Variants in DDX31 observed in about 807,000 individuals in gnomAD.
DDX31 encodes ATP-dependent DNA helicase DDX31.
Under a neutral mutation model 91.3 loss-of-function variants are expected in DDX31, and 70 were observed. The observed-to-expected ratio is 0.77, with a 90% confidence interval of 0.63 to 0.94. The LOEUF is 0.94. Ranked by LOEUF, DDX31 falls within the 40% of genes least tolerant of loss-of-function variation. The pLI, the probability that DDX31 is intolerant of heterozygous loss-of-function variation, is 0.00. For missense variants in DDX31, 902 were observed against 925.0 expected (o/e 0.98, Z 0.32); for synonymous variants, 362 against 350.6 (o/e 1.03, Z -0.36).
intron 18 of DDX31, among the ~76,000 whole-genome samples, chr9:132,617,004 G>T (rs541480199): frequency 2.0e-5 from 3 of 152,104 alleles, no homozygotes; most frequent in African/African-American, 7.2e-5. Context: ...ACTTGCCCCC[G>T]CTAGAGTCTA....
intron 19 of DDX31, among the ~76,000 whole-genome samples, chr9:132,606,553 CA>C (rs2119245681): frequency 6.6e-6 from 1 of 152,310 alleles, no homozygotes; most frequent in South Asian, 2.1e-4. Flanking sequence ...TGATGATCAC[CA>C]GATGCTCCCG....
In DDX31 at chr9:132,595,721, T is replaced by C. The variant is rs1830407423; in HGVS notation, c.1995-609A>G. Among the ~76,000 whole-genome samples the C allele has an allele frequency of 6.6e-6, 1 of 152,190 alleles. No individual in the cohort carries two copies. The highest frequency in any genetic ancestry group is 1.5e-5 in the Non-Finnish European group (1 of 68,036). On this transcript the variant is annotated intron_variant, in intron 19 of 19. Coordinates refer to ENST00000372159, the MANE Select transcript of DDX31 (RefSeq NM_022779.9). This position sits in a 1 kb window ranked among gnomAD's most constrained non-coding sequence, Gnocchi z 4.6. The stretch of plus-strand genomic sequence containing the variant: ...AACCCAAACCCAGGGCACAGCCTGG[T>C]CAATGTCTGCATCTAGGATTAGACC...
intron 14 of DDX31, among the ~76,000 whole-genome samples, chr9:132,632,357 A>G (rs921318974): frequency 6.7e-6 from 1 of 150,128 alleles, no homozygotes; most frequent in Non-Finnish European, 1.5e-5. Flanking sequence ...GTGGTTAAAA[A>G]TTCTGATTTA....
intron 19 of DDX31, 145 bp downstream of exon 19, chr9:132,611,941 CT>C: frequency 8.4e-7 from 1 of 1,191,142 alleles, no homozygotes; most frequent in Non-Finnish European, 1.2e-6. Context: ...GATGAGGTGG[CT>C]TTCTTCTCAT....
intron 14 of DDX31, 115 bp from the exon 15 acceptor site, chr9:132,632,206 C>T: frequency 1.6e-6 from 1 of 610,480 alleles, no homozygotes; most frequent in Non-Finnish European, 2.7e-6. Context: ...ACAGTACATG[C>T]ACATTCGGGC....
intron 15 of DDX31, among the ~76,000 whole-genome samples, chr9:132,630,885 C>T (rs1564303744): frequency 6.6e-6 from 1 of 152,210 alleles, no homozygotes; most frequent in South Asian, 2.1e-4. Context: ...CAGGGTCTAC[C>T]TCTGATGCCA....
At chr9:132,632,455 T>A (rs1298276426) in intron 14 of DDX31, among the ~76,000 whole-genome samples, 2 of 152,134 alleles carry the variant, frequency 1.3e-5, no homozygotes, top group Non-Finnish European at 2.9e-5. Context: ...ACTTAAACAG[T>A]AATTATCAGT....
At chr9:132,608,531 A>AT (rs1445434341) in intron 19 of DDX31, among the ~76,000 whole-genome samples, 3 of 152,052 alleles carry the variant, frequency 2.0e-5, no homozygotes, top group Non-Finnish European at 4.4e-5. Context: ...CCCCATTCTA[A>AT]TACCCGCCTG....
intron 19 of DDX31, among the ~76,000 whole-genome samples, chr9:132,611,145 C>T (rs1248554719): frequency 6.6e-6 from 1 of 152,160 alleles, no homozygotes; most frequent in East Asian, 1.9e-4. Context: ...TTCCCAGAGT[C>T]AGTGGGGGAG....
chr9:132,638,286 TACTTCTTATCA>T lies in DDX31; in HGVS notation c.1440+3707_1440+3717del. ...ACTCCATTTTCCGGCCATTCGGTGGTACTTCTTATCAACTCGTCAACATAATGATGGTATTA... is the reference window on the plus strand; with the variant it reads ...ACTCCATTTTCCGGCCATTCGGTGGTACTCGTCAACATAATGATGGTATTA... On this transcript the variant is annotated intron_variant, in intron 14 of 19. Transcript: ENST00000372159. 5 of 1,610,772 alleles carry T rather than the reference TACTTCTTATCA, an allele frequency of 3.1e-6. No individual in the cohort carries two copies. The South Asian group carries it at 5.5e-5, about 18-fold the overall frequency.
intron 17 of DDX31, among the ~76,000 whole-genome samples, chr9:132,624,811 G>C (rs533282570): frequency 6.6e-6 from 1 of 152,202 alleles, no homozygotes; most frequent in Non-Finnish European, 1.5e-5. Flanking sequence ...TCTAAAACAA[G>C]AGAATTTAAG....
At chr9:132,634,889 T>C (rs1833012150) in intron 14 of DDX31, among the ~76,000 whole-genome samples, 1 of 152,178 alleles carries the variant, frequency 6.6e-6, no homozygotes, top group Non-Finnish European at 1.5e-5. Context: ...TACAGTTGTT[T>C]TTCTTTCCTA....
At chr9:132,651,998 T>C (rs1158280954) in intron 7 of DDX31, among the ~76,000 whole-genome samples, 2 of 151,988 alleles carry the variant, frequency 1.3e-5, no homozygotes, top group Non-Finnish European at 2.9e-5. Context: ...ATAAAATAGA[T>C]CAGATAGAAG....
chr9:132,669,252 GCCCGCCCC>G (rs1835541172), intron 1 of DDX31, among the ~76,000 whole-genome samples: 1 of 60,158 alleles, frequency 1.7e-5, no homozygotes, highest in Admixed American at 1.5e-4. Flanking sequence ...TGTCCACCCC[GCCCGCCCC>G]CCCCAAAGAA....
intron 18 of DDX31, among the ~76,000 whole-genome samples, chr9:132,615,431 G>A (rs975694081): frequency 2.6e-5 from 4 of 152,088 alleles, no homozygotes; most frequent in Non-Finnish European, 5.9e-5. Context: ...CACCTACAGC[G>A]ACAACTACGG....
At chr9:132,602,871 C>T (rs561378301) in intron 19 of DDX31, among the ~76,000 whole-genome samples, 10 of 152,322 alleles carry the variant, frequency 6.6e-5, no homozygotes, top group East Asian at 3.8e-4. Flanking sequence ...TTTGGTTACA[C>T]GAGTAGTTAT....
intron 18 of DDX31, among the ~76,000 whole-genome samples, chr9:132,616,362 G>A (rs1008133934): frequency 1.3e-5 from 2 of 152,014 alleles, no homozygotes; most frequent in African/African-American, 4.8e-5. Context: ...TTGTTTCATG[G>A]TATTAACAAG....
intron 16 of DDX31, among the ~76,000 whole-genome samples, chr9:132,628,948 T>C (rs1259318562): frequency 6.6e-6 from 1 of 152,258 alleles, no homozygotes; most frequent in African/African-American, 2.4e-5. Flanking sequence ...GCTCCCAGCC[T>C]GTGAGAACAG....
chr9:132,652,512 A>G lies in DDX31; in HGVS notation c.589-20T>C. ...ACTGCGCTGTTGACACACAGAAAAAAAATGCCATGAGCAGGATAAACAAAG... is the reference window on the plus strand; with the variant it reads ...ACTGCGCTGTTGACACACAGAAAAAGAATGCCATGAGCAGGATAAACAAAG... On this transcript the variant is annotated intron_variant, in intron 6 of 19. Transcript: ENST00000372159. The G allele has an allele frequency of 6.2e-7, 1 of 1,613,920 alleles. No individual in the cohort carries two copies. Among genetic ancestry groups the G allele is most frequent in the African/African-American group, 1.3e-5 (1 of 75,044 alleles).
Sources: gnomAD v4.1 joint callset for allele counts (sites outside exome capture counted in the v4.1 genomes callset) on GRCh38, gnomAD v4.1.1 for gene constraint, Gnocchi (gnomAD v3.1) non-coding constraint, MANE v1.5 for transcripts, NCBI Gene and HGNC (gene_info 2026-07-23, HGNC 2026-07-21) for gene names.